RNF24: variants seen among roughly 807,000 people sequenced by gnomAD.
RNF24 encodes the protein ring finger protein 24.
A neutral mutation model predicts 20.0 loss-of-function variants in RNF24; 14 were observed. The ratio of observed to expected loss-of-function variants is 0.70; its 90% CI spans 0.46 to 1.10. The LOEUF is 1.10. Ranked by LOEUF, RNF24 falls within the 50% of genes least tolerant of loss-of-function variation. RNF24 has a pLI of 0.00. For synonymous variants in RNF24, 45 were observed against 61.1 expected, an observed-to-expected ratio of 0.74 and a Z score of 1.23; for missense variants, 124 against 177.6, an observed-to-expected ratio of 0.70 and a Z score of 1.71.
intron 1 of RNF24, among the ~76,000 whole-genome samples, chr20:3,998,789 T>C (rs531582874): frequency 9.5e-5 from 14 of 146,760 alleles, no homozygotes; most frequent in Admixed American, 2.0e-4. Flanking sequence ...AAATAAATAA[T>C]GTAACACGTG....
At chr20:3,974,262 C>A (rs540104747) in intron 1 of RNF24, 6 of 1,498,010 alleles carry the variant, frequency 4.0e-6, no homozygotes, top group Non-Finnish European at 5.4e-6. Flanking sequence ...CCGGCAAAAA[C>A]CAACCAAACA....
chr20:3,999,622 C>T (rs1217737282), intron 1 of RNF24, among the ~76,000 whole-genome samples: 1 of 152,062 alleles, frequency 6.6e-6, no homozygotes, highest in Non-Finnish European at 1.5e-5. Flanking sequence ...GGCGTGGTGG[C>T]GCATGCCTGT....
intron 3 of RNF24, among the ~76,000 whole-genome samples, chr20:3,947,615 G>A (rs1045700706): frequency 5.3e-5 from 8 of 149,642 alleles, no homozygotes; most frequent in African/African-American, 1.8e-4. Flanking sequence ...TTCACTTAAT[G>A]GTATCTCAGA....
chr20:4,008,554 A>G (rs1456103847), intron 1 of RNF24, among the ~76,000 whole-genome samples: 2 of 122,686 alleles, frequency 1.6e-5, no homozygotes, highest in African/African-American at 6.3e-5. Flanking sequence ...ATATATATAT[A>G]TATTTTTTTT....
intron 1 of RNF24, among the ~76,000 whole-genome samples, chr20:3,975,896 C>G (rs1418356868): frequency 6.6e-6 from 1 of 151,838 alleles, no homozygotes. Flanking sequence ...AAGTGATTCT[C>G]CTGCCTCAGC....
In RNF24 at chr20:3,928,074, A is replaced by G. The variant is rs1445540781; in HGVS notation, c.*5989T>C. 6.6e-6 allele frequency: 1 copy of G among 152,144 alleles called. No homozygotes were observed. The highest frequency in any genetic ancestry group is 1.5e-5 in the Non-Finnish European group (1 of 68,018). 9.4% of individuals were successfully genotyped at this position (152,144 alleles called of 1,614,324 possible). A position where few individuals can be genotyped will look rare whatever the true frequency, so the allele number is the denominator to read the frequency against. ...TGGGGATCCCTTATTAATCTTTACT[A>G]AAGAACCGTGAACCAGCATTTTCCA... On this transcript the variant is annotated 3_prime_UTR_variant, in exon 6 of 6. Coordinates refer to ENST00000358395, the MANE Select transcript of RNF24 (RefSeq NM_001134337.3).
Position 3,929,461 on chromosome 20 carries a change from T to G in RNF24, c.*4602A>C, listed in dbSNP as rs1000818254. 5 of 152,230 alleles carry G rather than the reference T, an allele frequency of 3.3e-5. No individual in the cohort carries two copies. In the South Asian group the frequency reaches 1.0e-3, roughly 32 times the overall value. 9.4% of individuals were successfully genotyped at this position (152,230 alleles called of 1,614,324 possible). The stretch of plus-strand genomic sequence containing the variant: ...AACTGACGCTGGACATTCAGGCATA[T>G]CCACATGAGACTCACTGTGCACTTG... On this transcript the variant is annotated 3_prime_UTR_variant, in exon 6 of 6. Transcript: ENST00000358395.
Position 3,953,947 on chromosome 20 carries a change from G to A in RNF24, c.144-5668C>T, listed in dbSNP as rs957474164. ...AATTTTTATATTTTTAGTAGAGATG[G>A]GGTTTCACCATGTTGGCCAGGCTGG... On this transcript the variant is annotated intron_variant, in intron 2 of 5. Coordinates refer to ENST00000358395, the MANE Select transcript of RNF24 (RefSeq NM_001134337.3). Among the ~76,000 whole-genome samples, 11 of 151,836 alleles carry A rather than the reference G, an allele frequency of 7.2e-5. 1 individual carries two copies. The highest frequency in any genetic ancestry group is 2.7e-4 in the African/African-American group (11 of 41,392).
intron 1 of RNF24, among the ~76,000 whole-genome samples, chr20:4,004,863 T>G (rs75316884): frequency 1.3e-5 from 2 of 152,372 alleles, no homozygotes; most frequent in East Asian, 1.9e-4. Context: ...CTCCATCTGA[T>G]TCTGACAAGT....
At chr20:3,954,684 C>T (rs2091121297) in intron 2 of RNF24, among the ~76,000 whole-genome samples, 2 of 150,182 alleles carry the variant, frequency 1.3e-5, no homozygotes, top group South Asian at 2.1e-4. Flanking sequence ...GCAGGTGGAT[C>T]ATGAGGTCAG....
chr20:3,957,471 T>TA (rs2091156027), intron 2 of RNF24, among the ~76,000 whole-genome samples: 1 of 95,530 alleles, frequency 1.0e-5, no homozygotes, highest in South Asian at 2.9e-4. Flanking sequence ...AAAAAAAAAA[T>TA]AATAATAATA....
At position 3,934,159 on chromosome 20, in the gene RNF24, C is replaced by G; in HGVS notation, c.351G>C (p.Leu117=). The G allele has an allele frequency of 6.2e-7, 1 of 1,602,256 alleles. No individual in the cohort carries two copies. Among genetic ancestry groups the G allele is most frequent in the Non-Finnish European group, 8.5e-7 (1 of 1,174,130 alleles). ...CCAGCTGTAGAACTGGCATGTTGCA[C>G]AGGGGACACACTTTACGAACCTCCA... ...KWLEVRKVCP[L]CNMPVLQLAQ... Residue 117 remains leucine (L), a synonymous_variant, in exon 6 of 6, where the codon CTG becomes CTC. Coordinates refer to ENST00000358395, the MANE Select transcript of RNF24 (RefSeq NM_001134337.3). The surrounding 1 kb of genome is among the most constrained non-coding windows in gnomAD (Gnocchi z 4.0).
rs2090760029 is a variant in RNF24 at position 3,928,451 on chromosome 20, ATGAACT to A, written c.*5606_*5611del. ...CTAACTTTCATCAGCGGGGACAAAAATGAACTTAAACTAAAAAAATTATTGGCCGGG... is the reference window on the plus strand; with the variant it reads ...CTAACTTTCATCAGCGGGGACAAAAATAAACTAAAAAAATTATTGGCCGGG... On this transcript the variant is annotated 3_prime_UTR_variant, in exon 6 of 6. Transcript: ENST00000358395. The A allele has an allele frequency of 1.3e-5, 2 of 152,316 alleles. No individual in the cohort carries two copies. Among genetic ancestry groups the A allele is most frequent in the South Asian group, 4.1e-4 (2 of 4,826 alleles). 9.4% of individuals were successfully genotyped at this position (152,316 alleles called of 1,614,324 possible).
At chr20:3,939,028 C>G (rs891471824) in intron 4 of RNF24, among the ~76,000 whole-genome samples, 1 of 151,936 alleles carries the variant, frequency 6.6e-6, no homozygotes, top group Admixed American at 6.6e-5. Flanking sequence ...GTTGGGATTA[C>G]AGGAGTGAGC....
In RNF24 at chr20:3,933,433, T is replaced by C. The variant is rs752530456; in HGVS notation, c.*630A>G. On this transcript the variant is annotated 3_prime_UTR_variant, in exon 6 of 6. Transcript: ENST00000358395. ...ATGATAAGAGGAAATGGCTTCTGAC[T>C]AGGCCTTTCCAAGCGCATCTCATGT... 2.2e-5 allele frequency: 8 copies of C among 369,044 alleles called. No individual in the cohort carries two copies. Among genetic ancestry groups the C allele is most frequent in the Non-Finnish European group, 2.9e-5 (6 of 208,028 alleles). The allele number at this position is 369,044 out of a possible 1,614,324, so 22.9% of individuals were successfully genotyped here.
At chr20:3,972,602 T>A (rs946983381) in intron 1 of RNF24, among the ~76,000 whole-genome samples, 1 of 152,156 alleles carries the variant, frequency 6.6e-6, no homozygotes, top group African/African-American at 2.4e-5. Flanking sequence ...ACTGAATTGA[T>A]TGAAAATGAA....
rs1157077504 is a variant in RNF24, at chr20:3,931,281, ACACAGTAACAAGTCCCAGCAACTCC to A, written c.*2757_*2781del. On this transcript the variant is annotated 3_prime_UTR_variant, in exon 6 of 6. Coordinates refer to ENST00000358395, the MANE Select transcript of RNF24 (RefSeq NM_001134337.3). ...AGCAGACCAGAATCCCCACGCAGCT[ACACAGTAACAAGTCCCAGCAACTCC>A]TGAAGATAGATGCGGAAAGGGTGAC... 6.6e-6 allele frequency: 1 copy of A among 152,222 alleles called. No individual in the cohort carries two copies. Among genetic ancestry groups the A allele is most frequent in the African/African-American group, 2.4e-5 (1 of 41,460 alleles). The allele number at this position is 152,222 out of a possible 1,614,324, so 9.4% of individuals were successfully genotyped here.
At chr20:3,992,350 G>T (rs1980516956) in intron 1 of RNF24, among the ~76,000 whole-genome samples, 1 of 152,108 alleles carries the variant, frequency 6.6e-6, no homozygotes, top group Non-Finnish European at 1.5e-5. Flanking sequence ...ATTACAATCT[G>T]GTTGAAACCA....
At chr20:3,995,260 T>C (rs1980768418) in intron 1 of RNF24, among the ~76,000 whole-genome samples, 1 of 152,144 alleles carries the variant, frequency 6.6e-6, no homozygotes. Flanking sequence ...CTTTTTGTTC[T>C]CTGGTGTGAG....
Sources: allele counts gnomAD v4.1 joint callset (sites outside exome capture counted in the v4.1 genomes callset), GRCh38; gene constraint gnomAD v4.1.1; non-coding constraint Gnocchi (gnomAD v3.1); transcripts MANE v1.5; gene names NCBI Gene and HGNC (gene_info 2026-07-23, HGNC 2026-07-21).